Variants in HTR2A observed in about 807,000 individuals in gnomAD.
HTR2A encodes the protein 5-HT2 receptor.
Under a neutral mutation model 31.0 loss-of-function variants are expected in HTR2A, and 14 were observed. That is an observed-to-expected ratio of 0.45 (90% CI 0.30 to 0.71). The LOEUF is 0.71. Ranked by LOEUF, HTR2A falls within the 30% of genes least tolerant of loss-of-function variation. The probability of loss-of-function intolerance (pLI) is 0.09; values close to 1 mark genes in which losing one functional copy is unlikely to be tolerated. For synonymous variants in HTR2A, 209 were observed against 225.2 expected (o/e 0.93, Z 0.64); for missense variants, 442 against 573.3 (o/e 0.77, Z 2.34).
chr13:46,887,021 GCTTA>G (rs772927683), intron 3 of HTR2A, among the ~76,000 whole-genome samples: 2 of 152,108 alleles, frequency 1.3e-5, no homozygotes, highest in Non-Finnish European at 2.9e-5. Flanking sequence ...GGGGAACTGT[GCTTA>G]CTTTAACTGC....
chr13:46,882,546 T>C (rs1456147067), intron 3 of HTR2A, among the ~76,000 whole-genome samples: 1 of 152,136 alleles, frequency 6.6e-6, no homozygotes, highest in African/African-American at 2.4e-5. Context: ...AAGGCTTTTG[T>C]AGCAATGATT....
chr13:46,867,018 C>T (rs576778053), intron 3 of HTR2A, among the ~76,000 whole-genome samples: 3 of 152,094 alleles, frequency 2.0e-5, no homozygotes, highest in Non-Finnish European at 4.4e-5. Context: ...AAGAGTGAAA[C>T]TCTGTCTCAA....
At chr13:46,853,191 G>C (rs2138202459) in intron 3 of HTR2A, among the ~76,000 whole-genome samples, 1 of 152,202 alleles carries the variant, frequency 6.6e-6, no homozygotes, top group Non-Finnish European at 1.5e-5. Flanking sequence ...CAGGAGAAGG[G>C]GTTACAGCCT....
intron 3 of HTR2A, among the ~76,000 whole-genome samples, chr13:46,863,630 G>GAAAAAAAAAAAAAAAAAAGAAAA (rs1950796936): frequency 1.7e-5 from 1 of 59,254 alleles, no homozygotes; most frequent in African/African-American, 6.9e-5. Context: ...CCCTCAAAAT[G>GAAAAAAAAAAAAAAAAAAGAAAA]AAAAAAAAAA....
chr13:46,887,482 C>T (rs1205999947), intron 3 of HTR2A, among the ~76,000 whole-genome samples: 1 of 147,874 alleles, frequency 6.8e-6, no homozygotes, highest in African/African-American at 2.5e-5. Context: ...AATTACCAGA[C>T]ATATCAACAG....
chr13:46,839,835 C>A (rs141577620), intron 3 of HTR2A, among the ~76,000 whole-genome samples: 116 of 152,282 alleles, frequency 7.6e-4, no homozygotes, highest in Admixed American at 2.0e-3. Flanking sequence ...AAACTTTGCA[C>A]CTCTAGTTAA....
At chr13:46,856,991 T>C (rs1478035970) in intron 3 of HTR2A, among the ~76,000 whole-genome samples, 1 of 152,058 alleles carries the variant, frequency 6.6e-6, no homozygotes, top group Non-Finnish European at 1.5e-5. Context: ...ACAGCCTAGG[T>C]GGCTTGTAAA....
intron 3 of HTR2A, among the ~76,000 whole-genome samples, chr13:46,843,083 T>A (rs957785590): frequency 6.6e-6 from 1 of 152,222 alleles, no homozygotes; most frequent in Non-Finnish European, 1.5e-5. Context: ...GCAGATGCTC[T>A]GTGCCCATAA....
rs1045284698 is a variant in HTR2A at position 46,895,985 on chromosome 13, T to C, written c.-79A>G. On this transcript the variant is annotated 5_prime_UTR_variant, in exon 2 of 4. Transcript: ENST00000542664. This position sits in a 1 kb window ranked among gnomAD's most constrained non-coding sequence, Gnocchi z 4.4. ...TTTCTGCTCACCATTCACCTTGATG[T>C]ACCCACACTCTGTAACACTGAGGCT... The C allele has an allele frequency of 3.9e-6, 6 of 1,523,456 alleles. No homozygotes were observed. In the African/African-American group the frequency reaches 5.5e-5, roughly 14 times the overall value. The allele number at this position is 1,523,456 out of a possible 1,614,324, so 94.4% of individuals were successfully genotyped here.
chr13:46,874,814 C>T (rs1056820773), intron 3 of HTR2A, among the ~76,000 whole-genome samples: 5 of 152,334 alleles, frequency 3.3e-5, no homozygotes, highest in Non-Finnish European at 7.3e-5. Context: ...AAAGGAACCT[C>T]GTTTCCTTTG....
chr13:46,868,962 T>C (rs1464941849), intron 3 of HTR2A, among the ~76,000 whole-genome samples: 1 of 152,180 alleles, frequency 6.6e-6, no homozygotes, highest in African/African-American at 2.4e-5. Flanking sequence ...ACTGGACTTA[T>C]GGTGATAAAG....
intron 3 of HTR2A, among the ~76,000 whole-genome samples, chr13:46,872,781 C>T (rs666693): frequency 0.17 from 25,493 of 152,174 alleles, 2,371 homozygotes; most frequent in Admixed American, 0.2. Flanking sequence ...CAATCCTAAA[C>T]TGATAGTGTA....
At chr13:46,893,316 C>T (rs1951070012) in intron 2 of HTR2A, among the ~76,000 whole-genome samples, 1 of 152,212 alleles carries the variant, frequency 6.6e-6, no homozygotes, top group African/African-American at 2.4e-5. Flanking sequence ...TTAAAACACA[C>T]ACTGCTGGAC....
intron 3 of HTR2A, among the ~76,000 whole-genome samples, chr13:46,860,480 A>G (rs1950771085): frequency 6.6e-6 from 1 of 152,186 alleles, no homozygotes; most frequent in Admixed American, 6.6e-5. Context: ...TTGCAGAACA[A>G]TCACCTTTAT....
chr13:46,867,811 CAA>C (rs1029714912), intron 3 of HTR2A, among the ~76,000 whole-genome samples: 1 of 152,180 alleles, frequency 6.6e-6, no homozygotes, highest in African/African-American at 2.4e-5. Context: ...ATCTCTGATC[CAA>C]GAGTCTCATG....
rs143283300 is a variant in HTR2A, at chr13:46,832,054, A to G, written c.*2783T>C. 1.3e-3 allele frequency: 205 copies of G among 152,320 alleles called. No individual in the cohort carries two copies. Among genetic ancestry groups the G allele is most frequent in the African/African-American group, 4.7e-3 (197 of 41,582 alleles). 9.4% of individuals were successfully genotyped at this position (152,320 alleles called of 1,614,324 possible). On this transcript the variant is annotated 3_prime_UTR_variant, in exon 4 of 4. Transcript: ENST00000542664. ...ATTGCCAGACTAAACAAAGGGCCCA[A>G]AGGTACCATTTTATTTAGGATCAAG...
chr13:46,895,882 T>TA lies in HTR2A; in HGVS notation c.24dup (p.Thr9TyrfsTer15). On this transcript the variant is annotated frameshift_variant, in exon 2 of 4. Coordinates refer to ENST00000542664, the MANE Select transcript of HTR2A (RefSeq NM_000621.5). LOFTEE classifies it high-confidence loss of function. This position sits in a 1 kb window ranked among gnomAD's most constrained non-coding sequence, Gnocchi z 4.4. ...GAGTTCGTAGTTGAGCTCAAAGAAG[T>TA]ATTTTCTTCACAAAGAATATCCATG... is the stretch of plus-strand genomic sequence containing the variant. The TA allele has an allele frequency of 6.2e-7, 1 of 1,611,624 alleles. No individual in the cohort carries two copies. The highest frequency in any genetic ancestry group is 8.5e-7 in the Non-Finnish European group (1 of 1,178,668).
intron 3 of HTR2A, among the ~76,000 whole-genome samples, chr13:46,858,406 T>C (rs1261102906): frequency 1.3e-5 from 2 of 151,952 alleles, no homozygotes; most frequent in East Asian, 3.9e-4. Flanking sequence ...GGAATGATGA[T>C]GAGACTTACA....
upstream of HTR2A, among the ~76,000 whole-genome samples, chr13:46,897,992 C>T (rs2138262866): frequency 6.6e-6 from 1 of 152,308 alleles, no homozygotes; most frequent in East Asian, 1.9e-4. Flanking sequence ...CTTCAGACAG[C>T]TGCTGTTATC....
Sources: gnomAD v4.1 joint callset for allele counts (sites outside exome capture counted in the v4.1 genomes callset) on GRCh38, gnomAD v4.1.1 for gene constraint, Gnocchi (gnomAD v3.1) non-coding constraint, MANE v1.5 for transcripts, NCBI Gene and HGNC (gene_info 2026-07-23, HGNC 2026-07-21) for gene names.